The following KCNMA1 variants were observed in gnomAD, a reference collection of about 807,000 sequenced individuals.
The protein encoded by KCNMA1 is Calcium-activated potassium channel subunit alpha-1.
KCNMA1 carries 29 observed loss-of-function variants against 140.0 expected under a neutral mutation model. The observed-to-expected ratio is 0.21, with a 90% CI of 0.15 to 0.28. The LOEUF (loss-of-function observed/expected upper bound fraction) is 0.28, where lower values mean the gene tolerates loss of function less well. Ranked by LOEUF, KCNMA1 falls within the 10% of genes least tolerant of loss-of-function variation. The probability of loss-of-function intolerance (pLI) is 1.00; values close to 1 mark genes in which losing one functional copy is unlikely to be tolerated. For synonymous variants in KCNMA1, 612 were observed against 611.9 expected (o/e 1.00, Z 0.00); for missense variants, 880 against 1,602.2 (o/e 0.55, Z 7.70).
chr10:77,628,018 C>A (rs1054557965), intron 1 of KCNMA1, among the ~76,000 whole-genome samples: 1 of 152,062 alleles, frequency 6.6e-6, no homozygotes, highest in Non-Finnish European at 1.5e-5. Context: ...TCCCACCCCC[C>A]AGCCCCAGTT....
At chr10:77,243,734 G>A (rs1195969803) in intron 3 of KCNMA1, among the ~76,000 whole-genome samples, 2 of 152,176 alleles carry the variant, frequency 1.3e-5, no homozygotes, top group East Asian at 3.9e-4. Flanking sequence ...AAAACAATGT[G>A]TTCAGCTCTT....
chr10:77,637,496 AGAAGAG>A lies in KCNMA1; in HGVS notation c.141_146del (p.Ser59_Ser60del), dbSNP rs770298470. 6.9e-6 allele frequency: 11 copies of A among 1,593,538 alleles called. No individual in the cohort carries two copies. In the South Asian group the frequency reaches 7.9e-5, roughly 11 times the overall value. ...AGGAGGAAGAGGAGGAGGAAGAAGAAGAAGAGGAAGAGGAGGAGGAGGAGGAGGAGG... is the reference window on the plus strand; with the variant it reads ...AGGAGGAAGAGGAGGAGGAAGAAGAAGAAGAGGAGGAGGAGGAGGAGGAGG... On this transcript the variant is annotated inframe_deletion, in exon 1 of 28. Coordinates refer to ENST00000286628, the MANE Select transcript of KCNMA1 (RefSeq NM_001161352.2).
chr10:76,896,883 A>G (rs1339667458), intron 25 of KCNMA1, among the ~76,000 whole-genome samples: 1 of 152,078 alleles, frequency 6.6e-6, no homozygotes, highest in African/African-American at 2.4e-5. Context: ...ACTGAATCGT[A>G]CACTTTAAAT....
intron 19 of KCNMA1, among the ~76,000 whole-genome samples, chr10:76,983,604 G>A (rs1297555499): frequency 6.6e-6 from 1 of 152,014 alleles, no homozygotes; most frequent in African/African-American, 2.4e-5. Flanking sequence ...GCATATGCCT[G>A]TAGTCCCAGC....
At chr10:77,439,141 AG>A (rs2097335878) in intron 1 of KCNMA1, among the ~76,000 whole-genome samples, 1 of 142,090 alleles carries the variant, frequency 7.0e-6, no homozygotes, top group African/African-American at 2.7e-5. Context: ...AGAAGAGAAG[AG>A]AAGAGAAAAG....
intron 16 of KCNMA1, among the ~76,000 whole-genome samples, chr10:77,026,479 T>C (rs529346833): frequency 6.6e-6 from 1 of 152,320 alleles, no homozygotes; most frequent in African/African-American, 2.4e-5. Flanking sequence ...GGGTAAACAG[T>C]AACCCCAGAA....
At chr10:77,427,711 CCATCCATTCATTTATT>C (rs1566784429) in intron 1 of KCNMA1, among the ~76,000 whole-genome samples, 1 of 108,846 alleles carries the variant, frequency 9.2e-6, no homozygotes, top group Non-Finnish European at 2.2e-5. Flanking sequence ...TCCTGAGCAT[CCATCCATTCATTTATT>C]TATTTATTTA....
chr10:77,071,909 T>G (rs2096229637), intron 14 of KCNMA1, among the ~76,000 whole-genome samples: 1 of 152,176 alleles, frequency 6.6e-6, no homozygotes, highest in Non-Finnish European at 1.5e-5. Flanking sequence ...CTAAATAATA[T>G]CACTCATAGG....
intron 3 of KCNMA1, among the ~76,000 whole-genome samples, chr10:77,188,588 G>A (rs2098904378): frequency 6.6e-6 from 1 of 152,146 alleles, no homozygotes; most frequent in Admixed American, 6.5e-5. Flanking sequence ...CAGTTGTAGG[G>A]TAGAGGTTGA....
intron 1 of KCNMA1, among the ~76,000 whole-genome samples, chr10:77,591,078 A>G (rs1341315307): frequency 1.3e-5 from 2 of 152,174 alleles, no homozygotes; most frequent in African/African-American, 4.8e-5. Context: ...ACATTAAGGC[A>G]GGCTGTGCAG....
At chr10:77,512,325 C>T (rs1567244944) in intron 1 of KCNMA1, among the ~76,000 whole-genome samples, 1 of 152,150 alleles carries the variant, frequency 6.6e-6, no homozygotes, top group Non-Finnish European at 1.5e-5. Context: ...TTTCAGTTAC[C>T]CACAGTACAG....
chr10:77,060,783 G>C (rs902677642), intron 14 of KCNMA1, among the ~76,000 whole-genome samples: 1 of 152,148 alleles, frequency 6.6e-6, no homozygotes, highest in Non-Finnish European at 1.5e-5. Context: ...TGTCTTTTTA[G>C]AGGAGGTTTG....
At chr10:77,581,704 C>T (rs1334200866) in intron 1 of KCNMA1, among the ~76,000 whole-genome samples, 1 of 152,234 alleles carries the variant, frequency 6.6e-6, no homozygotes, top group East Asian at 1.9e-4. Context: ...TCTCAGCCTC[C>T]TTGAGAAGCA....
intron 3 of KCNMA1, among the ~76,000 whole-genome samples, chr10:77,234,670 C>T (rs12782077): frequency 0.38 from 57,064 of 152,042 alleles, 10,893 homozygotes; most frequent in Non-Finnish European, 0.41. Flanking sequence ...GTATTAAGTG[C>T]TTGATGCACA....
At chr10:76,958,525 C>T (rs1178566919) in intron 20 of KCNMA1, among the ~76,000 whole-genome samples, 1 of 152,102 alleles carries the variant, frequency 6.6e-6, no homozygotes, top group Non-Finnish European at 1.5e-5. Context: ...TCTTAACCGC[C>T]GGTACCTCAG....
chr10:76,979,191 G>C (rs1016321059), intron 19 of KCNMA1, among the ~76,000 whole-genome samples: 2 of 152,146 alleles, frequency 1.3e-5, no homozygotes, highest in African/African-American at 4.8e-5. Context: ...GTTTGCATGA[G>C]ATTGTTAAGG....
At chr10:77,622,912 T>C (rs1466586169) in intron 1 of KCNMA1, among the ~76,000 whole-genome samples, 5 of 152,212 alleles carry the variant, frequency 3.3e-5, no homozygotes, top group African/African-American at 4.8e-5. Context: ...AAACCAGTGA[T>C]AGACAGGCTA....
chr10:77,555,934 T>C (rs1233710591), intron 1 of KCNMA1, among the ~76,000 whole-genome samples: 1 of 152,192 alleles, frequency 6.6e-6, no homozygotes, highest in Non-Finnish European at 1.5e-5. Flanking sequence ...ACCTGAGAAT[T>C]AACTTAGACA....
At chr10:77,472,019 A>G (rs1308456201) in intron 1 of KCNMA1, among the ~76,000 whole-genome samples, 2 of 108,762 alleles carry the variant, frequency 1.8e-5, no homozygotes, top group Non-Finnish European at 3.8e-5. Flanking sequence ...CATACACCAC[A>G]CACCACACAC....
Sources: gnomAD v4.1 joint callset for allele counts (sites outside exome capture counted in the v4.1 genomes callset) on GRCh38, gnomAD v4.1.1 for gene constraint, MANE v1.5 for transcripts, NCBI Gene and HGNC (gene_info 2026-07-23, HGNC 2026-07-21) for gene names.